The following WWC1 variants were observed in gnomAD, a reference collection of about 807,000 sequenced individuals.
WWC1 encodes the protein protein KIBRA.
A neutral mutation model predicts 138.4 loss-of-function variants in WWC1; 55 were observed. The observed-to-expected ratio is 0.40, with a 90% CI of 0.32 to 0.50. The LOEUF (loss-of-function observed/expected upper bound fraction) is 0.50. Ranked by LOEUF, WWC1 falls within the 20% of genes least tolerant of loss-of-function variation. WWC1 has a pLI of 0.72. For missense variants in WWC1, 1,226 were observed against 1,420.4 expected (o/e 0.86, Z 2.20); for synonymous variants, 524 against 564.9 (o/e 0.93, Z 1.03).
chr5:168,339,027 C>T (rs940998324), intron 1 of WWC1, among the ~76,000 whole-genome samples: 9 of 152,158 alleles, frequency 5.9e-5, no homozygotes, highest in Admixed American at 5.9e-4. Flanking sequence ...ATGCTAATTA[C>T]CCTGATCTGA....
intron 15 of WWC1, among the ~76,000 whole-genome samples, chr5:168,439,172 C>T (rs986662889): frequency 6.6e-6 from 1 of 152,166 alleles, no homozygotes; most frequent in Non-Finnish European, 1.5e-5. Context: ...TTCTTTTCTG[C>T]ACCATGCTAT....
intron 1 of WWC1, among the ~76,000 whole-genome samples, chr5:168,357,309 C>CAT (rs1369181335): frequency 1.6e-5 from 2 of 128,068 alleles, no homozygotes; most frequent in East Asian, 2.0e-4. Flanking sequence ...CTCTTACACA[C>CAT]ACACACACAC....
At chr5:168,391,760 C>CATATAT (rs70976481) in intron 3 of WWC1, among the ~76,000 whole-genome samples, 4,223 of 110,316 alleles carry the variant, frequency 0.038, 135 homozygotes, top group South Asian at 0.045. Context: ...ATTTTTAAGG[C>CATATAT]ATATATATAT....
chr5:168,433,777 A>T (rs997445932), intron 15 of WWC1, among the ~76,000 whole-genome samples: 2 of 152,170 alleles, frequency 1.3e-5, no homozygotes, highest in South Asian at 4.1e-4. Context: ...ACCTCAAGTG[A>T]TCCGCCTGTC....
At chr5:168,367,543 T>C (rs11134507) in intron 1 of WWC1, among the ~76,000 whole-genome samples, 78,196 of 143,576 alleles carry the variant, frequency 0.54, 21,903 homozygotes, top group Admixed American at 0.63. Context: ...GTGGTCTCGA[T>C]CTCCTGACCT....
intron 19 of WWC1, among the ~76,000 whole-genome samples, chr5:168,456,452 G>A (rs1756332795): frequency 6.6e-6 from 1 of 152,158 alleles, no homozygotes; most frequent in African/African-American, 2.4e-5. Context: ...GGCCCACATG[G>A]TGAAATCCTG....
intron 9 of WWC1, chr5:168,415,812 GGGC>G (rs1378257050): frequency 1.3e-5 from 1 of 75,840 alleles, no homozygotes; most frequent in African/African-American, 5.8e-5. Context: ...GGGGGGGGGG[GGGC>G]GTGTGTGTGT....
At position 168,444,752 on chromosome 5, in the gene WWC1, G is replaced by A. The variant is rs112634885; in HGVS notation, c.2525+167G>A. ...GCAAAAAGGCAATGTAACCTAGTAC[G>A]ATGGTTCCCAGAATTCCTTTCGAAT... is the stretch of plus-strand genomic sequence containing the variant. On this transcript the variant is annotated intron_variant, in intron 17 of 22. Coordinates refer to ENST00000265293, the MANE Select transcript of WWC1 (RefSeq NM_015238.3). Among the ~76,000 whole-genome samples, 1,015 of 152,098 alleles carry A rather than the reference G, an allele frequency of 6.7e-3. 12 individuals carry two copies. Among genetic ancestry groups the A allele is most frequent in the African/African-American group, 0.023 (959 of 41,488 alleles).
At chr5:168,425,834 G>T (rs375722667) in intron 11 of WWC1, among the ~76,000 whole-genome samples, 1 of 152,076 alleles carries the variant, frequency 6.6e-6, no homozygotes. Context: ...AAAAAGTGAG[G>T]CACAGTGAGG....
At chr5:168,305,000 T>A (rs926447352) in intron 1 of WWC1, among the ~76,000 whole-genome samples, 1 of 152,086 alleles carries the variant, frequency 6.6e-6, no homozygotes, top group African/African-American at 2.4e-5. Context: ...TAATTTTGTA[T>A]TTTTAGTAGA....
At chr5:168,455,644 C>A in intron 19 of WWC1, 124 bp downstream of exon 19, 1 of 1,200,178 alleles carries the variant, frequency 8.3e-7, no homozygotes. Flanking sequence ...CACCTCAGAG[C>A]CTCAGTTTCC....
intron 1 of WWC1, among the ~76,000 whole-genome samples, chr5:168,314,818 C>T (rs1581895147): frequency 1.3e-5 from 2 of 152,296 alleles, no homozygotes; most frequent in African/African-American, 4.8e-5. Context: ...AGCAACTAAC[C>T]TTTCCTGGCA....
At chr5:168,432,047 CAAAAAA>C (rs10532675) in intron 15 of WWC1, among the ~76,000 whole-genome samples, 3 of 111,392 alleles carry the variant, frequency 2.7e-5, no homozygotes, top group Non-Finnish European at 3.9e-5. Context: ...AACCCTGTGT[CAAAAAA>C]AAAAAAAAAA....
At position 168,469,297 on chromosome 5, in the gene WWC1, A is replaced by G. The variant is rs1263936531; in HGVS notation, c.*280A>G. 2 of 410,510 alleles carry G rather than the reference A, an allele frequency of 4.9e-6. No homozygotes were observed. The highest frequency in any genetic ancestry group is 8.1e-5 in the East Asian group (2 of 24,764). The allele number at this position is 410,510 out of a possible 1,614,324, so 25.4% of individuals were successfully genotyped here. A position where few individuals can be genotyped will look rare whatever the true frequency, so the allele number is the denominator to read the frequency against. The stretch of plus-strand genomic sequence containing the variant: ...ATATTTAGGAGTGTATTTTTGGGAA[A>G]GAAAATTTAAATGAACTAAAGCAGT... On this transcript the variant is annotated 3_prime_UTR_variant, in exon 23 of 23. Coordinates refer to ENST00000265293, the MANE Select transcript of WWC1 (RefSeq NM_015238.3).
At chr5:168,433,396 C>G (rs963383329) in intron 15 of WWC1, among the ~76,000 whole-genome samples, 2 of 152,254 alleles carry the variant, frequency 1.3e-5, no homozygotes, top group Non-Finnish European at 2.9e-5. Context: ...TTTGTGCTCA[C>G]TGGATATCGG....
intron 3 of WWC1, among the ~76,000 whole-genome samples, chr5:168,391,658 C>CA (rs568054198): frequency 0.21 from 17,026 of 81,720 alleles, 2,336 homozygotes; most frequent in South Asian, 0.39. Context: ...CACTCCGTCT[C>CA]AAAAAAAAAA....
chr5:168,467,961 T>C lies in WWC1; in HGVS notation c.3272T>C (p.Phe1091Ser), dbSNP rs370453412. ...AAGGAACCCCCAGAAGTTCAGTCTTTCAGGTAAGCAGAGGGCCCCGGCAGC... is the reference window on the plus strand; with the variant it reads ...AAGGAACCCCCAGAAGTTCAGTCTTCCAGGTAAGCAGAGGGCCCCGGCAGC... ...SCKEPPEVQSFREKMAFFTRP... is the reference protein window; with the variant it reads ...SCKEPPEVQSSREKMAFFTRP... Residue 1091 changes from phenylalanine (F) to serine (S), a missense_variant, in exon 22 of 23, where the codon TTC becomes TCC. Physicochemically the swap from Phe to Ser is radical, Grantham distance 155. Coordinates refer to ENST00000265293, the MANE Select transcript of WWC1 (RefSeq NM_015238.3). The C allele has an allele frequency of 1.2e-6, 2 of 1,614,068 alleles. No individual in the cohort carries two copies. Among genetic ancestry groups the C allele is most frequent in the African/African-American group, 1.3e-5 (1 of 74,926 alleles).
At chr5:168,442,290 G>A (rs1754838425) in intron 16 of WWC1, among the ~76,000 whole-genome samples, 1 of 152,016 alleles carries the variant, frequency 6.6e-6, no homozygotes, top group African/African-American at 2.4e-5. Context: ...AATTTTTAAT[G>A]TCTAATATGA....
chr5:168,354,231 A>G (rs1775222867), intron 1 of WWC1, among the ~76,000 whole-genome samples: 1 of 151,944 alleles, frequency 6.6e-6, no homozygotes, highest in African/African-American at 2.4e-5. Flanking sequence ...TTGTATTTTT[A>G]GTAGAGATAG....
Sources: allele counts gnomAD v4.1 joint callset (sites outside exome capture counted in the v4.1 genomes callset), GRCh38; gene constraint gnomAD v4.1.1; transcripts MANE v1.5; gene names NCBI Gene and HGNC (gene_info 2026-07-23, HGNC 2026-07-21).